TMTC3: variants seen among roughly 807,000 people sequenced by gnomAD.
TMTC3 encodes transmembrane O-mannosyltransferase targeting cadherins 3.
A neutral mutation model predicts 92.2 loss-of-function variants in TMTC3; 52 were observed. The ratio of observed to expected loss-of-function variants is 0.56; its 90% CI spans 0.45 to 0.71. TMTC3 has a LOEUF of 0.71. TMTC3 is among the 30% of genes least tolerant of loss of function. The probability of loss-of-function intolerance (pLI) is 0.00; values close to 1 mark genes in which losing one functional copy is unlikely to be tolerated. For synonymous variants in TMTC3, 339 were observed against 363.3 expected (o/e 0.93, Z 0.76); for missense variants, 896 against 1,057.1 (o/e 0.85, Z 2.11).
At chr12:88,179,702 C>T (rs1440346268) in intron 10 of TMTC3, among the ~76,000 whole-genome samples, 2 of 151,886 alleles carry the variant, frequency 1.3e-5, no homozygotes, top group African/African-American at 4.8e-5. Context: ...GCAGCAGCCA[C>T]CAAGAGAGTG....
rs1328997160 is a variant in TMTC3 at position 88,153,107 on chromosome 12, T to C, written c.190-184T>C. 2.0e-5 allele frequency among the ~76,000 whole-genome samples: 3 copies of C among 152,300 alleles called. No individual in the cohort carries two copies. In the South Asian group the frequency reaches 6.2e-4, roughly 32 times the overall value. On this transcript the variant is annotated intron_variant, in intron 2 of 13. Transcript: ENST00000266712. The stretch of plus-strand genomic sequence containing the variant: ...TAACCTTGTTTGTGGCCTAAGGAAA[T>C]AGAAAAACACAGATTATAAAACTGT...
intron 8 of TMTC3, among the ~76,000 whole-genome samples, chr12:88,174,161 A>G (rs993489753): frequency 1.3e-5 from 2 of 152,130 alleles, no homozygotes; most frequent in African/African-American, 2.4e-5. Flanking sequence ...GCTTTACAAT[A>G]GAGAAATAAA....
Position 88,148,444 on chromosome 12 carries a change from T to A in TMTC3, c.129T>A (p.His43Gln). Residue 43 changes from histidine to glutamine, a missense_variant, in exon 2 of 14, where the codon CAT becomes CAA. His to Gln is a conservative substitution (Grantham distance 24). Coordinates refer to ENST00000266712, the MANE Select transcript of TMTC3 (RefSeq NM_181783.4). ...VSAILDNKDL[H>Q]PSTPLKTLFQ... ...CAATACTGGATAACAAAGACTTGCA[T>A]CCATCTACACCTTTAAAAACTTTAT... The A allele has an allele frequency of 6.2e-7, 1 of 1,613,124 alleles. No individual in the cohort carries two copies. The highest frequency in any genetic ancestry group is 1.7e-5 in the Admixed American group (1 of 59,934).
rs919078398 is a variant in TMTC3, at chr12:88,198,824, T to C, written c.*3175T>C. On this transcript the variant is annotated 3_prime_UTR_variant, in exon 14 of 14. Coordinates refer to ENST00000266712, the MANE Select transcript of TMTC3 (RefSeq NM_181783.4). ...CATATTTATTTTTTTAGAAACCTCC[T>C]AATTGGATAACTAGATGGTATTTAA... is the stretch of plus-strand genomic sequence containing the variant. The C allele has an allele frequency of 4.5e-5, 7 of 155,190 alleles. No homozygotes were observed. In the East Asian group the frequency reaches 1.3e-3, roughly 29 times the overall value. 9.6% of individuals were successfully genotyped at this position (155,190 alleles called of 1,614,324 possible). A position where few individuals can be genotyped will look rare whatever the true frequency, so the allele number is the denominator to read the frequency against.
intron 8 of TMTC3, chr12:88,173,142 A>C: frequency 8.6e-7 from 1 of 1,161,792 alleles, no homozygotes; most frequent in Non-Finnish European, 1.1e-6. Context: ...GCAATCTGTA[A>C]TTTCTTGCTA....
chr12:88,183,121 TCAACTAATTCATGGGC>T (rs369015766), intron 10 of TMTC3, among the ~76,000 whole-genome samples: 16 of 152,280 alleles, frequency 1.1e-4, no homozygotes, highest in African/African-American at 2.4e-4. Context: ...TAATTGCTCC[TCAACTAATTCATGGGC>T]CAACTAATTC....
chr12:88,195,816 G>T lies in TMTC3; in HGVS notation c.*167G>T. On this transcript the variant is annotated 3_prime_UTR_variant, in exon 14 of 14. Coordinates refer to ENST00000266712, the MANE Select transcript of TMTC3 (RefSeq NM_181783.4). ...TTCATTAAAGACCTGTATTATCCCA[G>T]GATGTATATTATGTATCGCTGTTTT... The T allele has an allele frequency of 1.9e-6, 1 of 538,128 alleles. No homozygotes were observed. The highest frequency in any genetic ancestry group is 3.2e-6 in the Non-Finnish European group (1 of 311,732). 33.3% of individuals were successfully genotyped at this position (538,128 alleles called of 1,614,324 possible).
chr12:88,169,148 G>C (rs1219831700), intron 7 of TMTC3, among the ~76,000 whole-genome samples: 1 of 152,174 alleles, frequency 6.6e-6, no homozygotes, highest in Admixed American at 6.5e-5. Context: ...AGAGTGGAAG[G>C]AACTTTCCAG....
At chr12:88,189,722 T>C (rs567182492) in intron 11 of TMTC3, among the ~76,000 whole-genome samples, 2 of 152,148 alleles carry the variant, frequency 1.3e-5, no homozygotes, top group Non-Finnish European at 2.9e-5. Flanking sequence ...GTTGTGACCG[T>C]AGGATAGTTA....
At chr12:88,169,782 T>A (rs759592569) in intron 7 of TMTC3, among the ~76,000 whole-genome samples, 1 of 151,786 alleles carries the variant, frequency 6.6e-6, no homozygotes, top group Non-Finnish European at 1.5e-5. Context: ...CTAAAAAAAA[T>A]TTTTAAATTA....
intron 2 of TMTC3, among the ~76,000 whole-genome samples, chr12:88,151,288 A>G: frequency 6.6e-6 from 1 of 152,184 alleles, no homozygotes; most frequent in East Asian, 1.9e-4. Context: ...CCTTGTGCTA[A>G]GGTAACTTCT....
At chr12:88,187,211 T>G (rs2138433813) in intron 10 of TMTC3, among the ~76,000 whole-genome samples, 1 of 151,908 alleles carries the variant, frequency 6.6e-6, no homozygotes, top group Non-Finnish European at 1.5e-5. Flanking sequence ...ACCCCATATT[T>G]TTAATTGACA....
At chr12:88,182,421 A>G (rs1826881752) in intron 10 of TMTC3, among the ~76,000 whole-genome samples, 1 of 152,198 alleles carries the variant, frequency 6.6e-6, no homozygotes, top group Non-Finnish European at 1.5e-5. Flanking sequence ...TATGTAACTT[A>G]TCAGTAGTTA....
At chr12:88,177,784 T>A (rs1018235233) in intron 10 of TMTC3, among the ~76,000 whole-genome samples, 3 of 152,142 alleles carry the variant, frequency 2.0e-5, no homozygotes, top group Non-Finnish European at 4.4e-5. Context: ...GACACTGTTG[T>A]TTTTTTCTAG....
chr12:88,142,538 C>G (rs2040749094), intron 1 of TMTC3, 51 bp downstream of exon 1: 1 of 152,396 alleles, frequency 6.6e-6, no homozygotes, highest in Non-Finnish European at 1.5e-5. Context: ...GGGGAGCAGT[C>G]CTGGGTTAGA....
At chr12:88,143,055 C>T (rs902500078) in intron 1 of TMTC3, among the ~76,000 whole-genome samples, 3 of 152,102 alleles carry the variant, frequency 2.0e-5, no homozygotes, top group African/African-American at 7.2e-5. Flanking sequence ...TGCTCGTCTG[C>T]TCACAATCAT....
chr12:88,184,845 A>G (rs927918572), intron 10 of TMTC3, among the ~76,000 whole-genome samples: 3 of 152,182 alleles, frequency 2.0e-5, no homozygotes, highest in African/African-American at 7.2e-5. Context: ...ATGTGTATTT[A>G]TATGAAAGTG....
rs1252987001 is a variant in TMTC3 at position 88,166,556 on chromosome 12, G to A, written c.1024G>A (p.Gly342Ser). The part of the protein sequence containing the change: ...MLGVFSIRYS[G>S]DSSKTVLMAL... ...GGGAGTATTCAGTATCAGATACTCT[G>A]GTGATTCCTCCAAGACTGTTTTAAT... The change falls in exon 7 of 14, where the codon GGT becomes AGT. Residue 342 changes from glycine (G) to serine (S), a missense_variant. Gly to Ser is a moderately conservative substitution (Grantham distance 56). Transcript: ENST00000266712. The A allele has an allele frequency of 1.2e-6, 2 of 1,613,470 alleles. No individual in the cohort carries two copies. Among genetic ancestry groups the A allele is most frequent in the Non-Finnish European group, 1.7e-6 (2 of 1,179,758 alleles).
chr12:88,190,136 TTTAC>T (rs1203572283), intron 11 of TMTC3, among the ~76,000 whole-genome samples: 2 of 152,168 alleles, frequency 1.3e-5, no homozygotes, highest in Admixed American at 6.5e-5. Context: ...ATAAAAATAT[TTTAC>T]TTACAGTATC....
Sources: allele counts gnomAD v4.1 joint callset (sites outside exome capture counted in the v4.1 genomes callset), GRCh38; gene constraint gnomAD v4.1.1; transcripts MANE v1.5; gene names NCBI Gene and HGNC (gene_info 2026-07-23, HGNC 2026-07-21).